The following METTL15 variants were observed in gnomAD, a reference collection of about 807,000 sequenced individuals.
METTL15 encodes the protein 12S rRNA N(4)-cytidine methyltransferase METTL15.
METTL15 carries 34 observed loss-of-function variants against 38.3 expected under a neutral mutation model. The observed-to-expected ratio is 0.89, with a 90% CI of 0.68 to 1.18. METTL15 has a LOEUF of 1.18. METTL15 is among the 50% of genes most tolerant of loss of function. METTL15 has a pLI of 0.00. For missense variants in METTL15, 438 were observed against 498.4 expected (o/e 0.88, Z 1.15); for synonymous variants, 162 against 170.9 (o/e 0.95, Z 0.41).
At chr11:28,127,775 A>C (rs534424306) in intron 3 of METTL15, among the ~76,000 whole-genome samples, 8 of 152,214 alleles carry the variant, frequency 5.3e-5, no homozygotes, top group Admixed American at 4.6e-4. Context: ...AAATTATATA[A>C]ATTTTTCTGT....
intron 4 of METTL15, among the ~76,000 whole-genome samples, chr11:28,265,185 A>G (rs570968871): frequency 1.3e-5 from 2 of 152,116 alleles, no homozygotes; most frequent in South Asian, 2.1e-4. Flanking sequence ...ATCTATAAAT[A>G]TAAGTGTAGA....
intron 3 of METTL15, among the ~76,000 whole-genome samples, chr11:28,149,585 A>C (rs1850009340): frequency 6.6e-6 from 1 of 151,962 alleles, no homozygotes; most frequent in Non-Finnish European, 1.5e-5. Context: ...AATTTGGATT[A>C]GGTAATTATT....
chr11:28,279,165 T>C (rs1855954464), intron 4 of METTL15, among the ~76,000 whole-genome samples: 1 of 152,214 alleles, frequency 6.6e-6, no homozygotes, highest in Non-Finnish European at 1.5e-5. Flanking sequence ...TTGAATTTTG[T>C]ATCAGGGTTA....
chr11:28,219,951 A>T lies in METTL15; in HGVS notation c.407+8753A>T, dbSNP rs568172995. On this transcript the variant is annotated intron_variant, in intron 4 of 6. Transcript: ENST00000407364. ...CAGTTCGTTATAATTTCTGTTCTTT[A>T]ACATTTGCTGATGAGTGCTTTATTT... Among the ~76,000 whole-genome samples the T allele has an allele frequency of 6.6e-4, 101 of 152,180 alleles. No homozygotes were observed. The Middle Eastern group carries it at 0.017, about 26-fold the overall frequency.
At chr11:28,481,415 A>G (rs1333400823) in intron 6 of METTL15, among the ~76,000 whole-genome samples, 1 of 152,206 alleles carries the variant, frequency 6.6e-6, no homozygotes, top group Non-Finnish European at 1.5e-5. Flanking sequence ...TAGGCTTCCC[A>G]TGAACACAAA....
rs761322540 is a variant in METTL15, at chr11:28,328,129, T to C, written c.779-2267T>C. On this transcript the variant is annotated intron_variant, in intron 6 of 6. Coordinates refer to ENST00000407364, the MANE Select transcript of METTL15 (RefSeq NM_001113528.2). The stretch of plus-strand genomic sequence containing the variant: ...AAACATATTTCCCAGTGGCCCAAAC[T>C]CTTTATTAGGAAAATGGACGAATTG... 11 of 1,611,766 alleles carry C rather than the reference T, an allele frequency of 6.8e-6. 1 individual carries two copies. In the South Asian group the frequency reaches 1.2e-4, roughly 18 times the overall value.
chr11:28,214,260 C>T lies in METTL15; in HGVS notation c.407+3062C>T, dbSNP rs149757533. Among the ~76,000 whole-genome samples the T allele has an allele frequency of 1.2e-3, 185 of 152,118 alleles. 1 individual carries two copies. The highest frequency in any genetic ancestry group is 4.3e-3 in the African/African-American group (177 of 41,494). ...TGTTGCCCAGGCTGGTCTTGAACTC[C>T]TGAGCTCAAGTGATCATCCCACCTC... is the stretch of plus-strand genomic sequence containing the variant. On this transcript the variant is annotated intron_variant, in intron 4 of 6. Coordinates refer to ENST00000407364, the MANE Select transcript of METTL15 (RefSeq NM_001113528.2).
intron 3 of METTL15, among the ~76,000 whole-genome samples, chr11:28,179,778 A>G (rs763776113): frequency 1.3e-5 from 2 of 151,826 alleles, no homozygotes; most frequent in Non-Finnish European, 2.9e-5. Context: ...TTCCAGGAGC[A>G]TATAGCTAAT....
intron 4 of METTL15, among the ~76,000 whole-genome samples, chr11:28,216,831 G>T (rs1182725864): frequency 2.6e-5 from 4 of 151,108 alleles, no homozygotes; most frequent in South Asian, 2.1e-4. Flanking sequence ...CTGTCCTTGC[G>T]ATAGTTTGCT....
Position 28,331,000 on chromosome 11 carries a change from T to C in METTL15, c.*159T>C. The stretch of plus-strand genomic sequence containing the variant: ...TTTCTCAAAAAGAAACTGTAGGAAA[T>C]ACATGACAGAGAAAGTTACACTCAG... On this transcript the variant is annotated 3_prime_UTR_variant, in exon 7 of 7. Transcript: ENST00000407364. 1.8e-6 allele frequency: 1 copy of C among 546,792 alleles called. No individual in the cohort carries two copies. The highest frequency in any genetic ancestry group is 3.1e-5 in the East Asian group (1 of 32,738). The allele number at this position is 546,792 out of a possible 1,614,324, so 33.9% of individuals were successfully genotyped here. A position where few individuals can be genotyped will look rare whatever the true frequency, so the allele number is the denominator to read the frequency against.
chr11:28,184,261 C>T (rs1851410100), intron 3 of METTL15, among the ~76,000 whole-genome samples: 1 of 151,976 alleles, frequency 6.6e-6, no homozygotes, highest in African/African-American at 2.4e-5. Context: ...CTATCTCCTT[C>T]AGTTCTGCTC....
intron 3 of METTL15, among the ~76,000 whole-genome samples, chr11:28,181,259 A>ATTTTTTTTTTTTTTTTTT (rs71449171): frequency 1.5e-5 from 2 of 133,798 alleles, no homozygotes; most frequent in Non-Finnish European, 1.6e-5. Context: ...TTAATTTTTA[A>ATTTTTTTTTTTTTTTTTT]TTTTTTTTTT....
At position 28,242,140 on chromosome 11, in the gene METTL15, AGGTATTT is replaced by A. The variant is rs773834802; in HGVS notation, c.407+30951_407+30957del. On this transcript the variant is annotated intron_variant, in intron 4 of 6. Transcript: ENST00000407364. ...CTAAAATTTTGAGAATGTCAGAATC[AGGTATTT>A]GGTATTTGTATAGAAGAAGTATACA... is the stretch of plus-strand genomic sequence containing the variant. Among the ~76,000 whole-genome samples the A allele has an allele frequency of 2.6e-5, 4 of 152,334 alleles. No individual in the cohort carries two copies. In the South Asian group the frequency reaches 6.2e-4, roughly 24 times the overall value.
At chr11:28,409,381 C>CAGAAA (rs1850705415) in intron 5 of METTL15, among the ~76,000 whole-genome samples, 1 of 81,338 alleles carries the variant, frequency 1.2e-5, no homozygotes, top group African/African-American at 5.1e-5. Flanking sequence ...GACTCCGTCT[C>CAGAAA]AAAAAAAAAA....
At chr11:28,182,443 G>A (rs1851326930) in intron 3 of METTL15, among the ~76,000 whole-genome samples, 1 of 151,976 alleles carries the variant, frequency 6.6e-6, no homozygotes, top group African/African-American at 2.4e-5. Flanking sequence ...TAAGGTGTAA[G>A]GAAGGGGTCC....
At chr11:28,312,899 A>G (rs758607904) in intron 6 of METTL15, among the ~76,000 whole-genome samples, 7 of 151,988 alleles carry the variant, frequency 4.6e-5, no homozygotes, top group Non-Finnish European at 8.8e-5. Flanking sequence ...TCATCTCTCA[A>G]TACTGTTAAC....
chr11:28,256,478 A>C (rs576231899), intron 4 of METTL15, among the ~76,000 whole-genome samples: 1 of 152,196 alleles, frequency 6.6e-6, no homozygotes, highest in East Asian at 1.9e-4. Flanking sequence ...TAGATTTTTC[A>C]ATTTATTGGC....
intron 5 of METTL15, among the ~76,000 whole-genome samples, chr11:28,296,138 A>G (rs1856725223): frequency 6.6e-6 from 1 of 152,156 alleles, no homozygotes; most frequent in Non-Finnish European, 1.5e-5. Flanking sequence ...AGGTTTTACC[A>G]TATGGTGTCC....
chr11:28,321,630 C>T (rs556516537), intron 6 of METTL15, among the ~76,000 whole-genome samples: 1 of 151,990 alleles, frequency 6.6e-6, no homozygotes, highest in African/African-American at 2.4e-5. Flanking sequence ...ACTATAATTC[C>T]AATCAAAATT....
Sources: allele counts gnomAD v4.1 joint callset (sites outside exome capture counted in the v4.1 genomes callset), GRCh38; gene constraint gnomAD v4.1.1; transcripts MANE v1.5; gene names NCBI Gene and HGNC (gene_info 2026-07-23, HGNC 2026-07-21).